Variants in DNER observed in about 807,000 individuals in gnomAD.
The protein encoded by DNER is delta/notch like EGF repeat containing, also known as delta and Notch-like epidermal growth factor-related receptor.
DNER carries 33 observed loss-of-function variants against 78.2 expected under a neutral mutation model. That is an observed-to-expected ratio of 0.42 (90% CI 0.32 to 0.56). DNER has a LOEUF of 0.56. Ranked by LOEUF, DNER falls within the 20% of genes least tolerant of loss-of-function variation. DNER has a pLI of 0.11. For missense variants in DNER, 918 were observed against 975.3 expected (o/e 0.94, Z 0.78); for synonymous variants, 417 against 384.8 (o/e 1.08, Z -0.98).
intron 9 of DNER, among the ~76,000 whole-genome samples, chr2:229,409,607 G>C (rs1417150153): frequency 2.0e-5 from 3 of 152,206 alleles, no homozygotes; most frequent in Non-Finnish European, 4.4e-5. Flanking sequence ...AATCTTTTGG[G>C]TGTTTGGGGT....
At chr2:229,459,266 G>A (rs564119885) in intron 7 of DNER, among the ~76,000 whole-genome samples, 1 of 152,172 alleles carries the variant, frequency 6.6e-6, no homozygotes, top group East Asian at 1.9e-4. Flanking sequence ...GATAAATTAT[G>A]TCAGCGCAAT....
intron 4 of DNER, among the ~76,000 whole-genome samples, chr2:229,549,109 A>C (rs756798604): frequency 2.6e-5 from 4 of 152,206 alleles, no homozygotes; most frequent in Non-Finnish European, 5.9e-5. Context: ...ATATGTATAC[A>C]TACAGTAAAA....
chr2:229,452,587 A>C (rs1284004258), intron 7 of DNER, among the ~76,000 whole-genome samples: 1 of 151,898 alleles, frequency 6.6e-6, no homozygotes, highest in African/African-American at 2.4e-5. Flanking sequence ...CGAAATCCAA[A>C]TTCCTGTTTG....
chr2:229,481,035 A>G (rs978849376), intron 6 of DNER, among the ~76,000 whole-genome samples: 1 of 152,146 alleles, frequency 6.6e-6, no homozygotes, highest in Non-Finnish European at 1.5e-5. Context: ...AGGACCACTG[A>G]GCATTCTCAG....
intron 5 of DNER, among the ~76,000 whole-genome samples, chr2:229,544,086 AT>A (rs1481780030): frequency 1.3e-5 from 2 of 152,082 alleles, no homozygotes; most frequent in African/African-American, 2.4e-5. Context: ...AAGAAAAAAA[AT>A]ATGTTCTCCT....
intron 1 of DNER, among the ~76,000 whole-genome samples, chr2:229,668,534 GTGTATATATATA>G (rs1443760838): frequency 1.0e-3 from 5 of 4,964 alleles, no homozygotes; most frequent in South Asian, 0.01. Context: ...GTGTGTGTGT[GTGTATATATATA>G]TATATATATA....
At chr2:229,475,891 CAG>C (rs748997226) in intron 7 of DNER, among the ~76,000 whole-genome samples, 1 of 152,182 alleles carries the variant, frequency 6.6e-6, no homozygotes, top group East Asian at 1.9e-4. Context: ...GGCCTTCAAT[CAG>C]AGTTAGGTGG....
chr2:229,466,996 A>G (rs1244476068), intron 7 of DNER, among the ~76,000 whole-genome samples: 2 of 152,192 alleles, frequency 1.3e-5, no homozygotes, highest in Non-Finnish European at 2.9e-5. Context: ...CATCAGGGAA[A>G]AAAAATCACG....
chr2:229,401,353 G>A (rs966341727), intron 10 of DNER, among the ~76,000 whole-genome samples: 1 of 152,014 alleles, frequency 6.6e-6, no homozygotes, highest in Non-Finnish European at 1.5e-5. Context: ...GAAAATTTAT[G>A]TTCACACATA....
chr2:229,587,015 T>C, intron 3 of DNER: 1 of 984,958 alleles, frequency 1.0e-6, no homozygotes, highest in Non-Finnish European at 1.2e-6. Flanking sequence ...TGAGTCAGAC[T>C]CTGCTAATTC....
intron 8 of DNER, among the ~76,000 whole-genome samples, chr2:229,424,451 G>A (rs1693831985): frequency 6.6e-6 from 1 of 152,112 alleles, no homozygotes; most frequent in African/African-American, 2.4e-5. Flanking sequence ...TATAGCACTG[G>A]TTGAATTAAA....
intron 7 of DNER, among the ~76,000 whole-genome samples, chr2:229,458,271 G>C (rs557062721): frequency 6.6e-5 from 10 of 151,038 alleles, no homozygotes; most frequent in Non-Finnish European, 1.5e-5. Context: ...AACATTATCT[G>C]ACATAAAAAG....
At chr2:229,428,507 AT>A (rs1434167758) in intron 8 of DNER, among the ~76,000 whole-genome samples, 1 of 152,086 alleles carries the variant, frequency 6.6e-6, no homozygotes, top group Non-Finnish European at 1.5e-5. Flanking sequence ...GTCCCCTTCT[AT>A]GGGCCAATTT....
chr2:229,436,369 A>T (rs1427092503), intron 8 of DNER, among the ~76,000 whole-genome samples: 2 of 152,190 alleles, frequency 1.3e-5, no homozygotes, highest in Non-Finnish European at 2.9e-5. Flanking sequence ...ATTTAGGTTG[A>T]TTCCGTGTCT....
chr2:229,655,590 G>T (rs74001407), intron 1 of DNER, among the ~76,000 whole-genome samples: 45 of 152,206 alleles, frequency 3.0e-4, no homozygotes, highest in African/African-American at 1.1e-3. Context: ...GGTTGAATTT[G>T]GAATACATAA....
intron 1 of DNER, among the ~76,000 whole-genome samples, chr2:229,663,989 A>G (rs2154216646): frequency 6.6e-6 from 1 of 152,298 alleles, no homozygotes; most frequent in Non-Finnish European, 1.5e-5. Context: ...ATTCAGGATG[A>G]ATCTGACATT....
chr2:229,682,139 A>G (rs1699398038), intron 1 of DNER, among the ~76,000 whole-genome samples: 1 of 152,196 alleles, frequency 6.6e-6, no homozygotes, highest in African/African-American at 2.4e-5. Context: ...GCTGCACTCC[A>G]TTTAGAAGCA....
rs540810055 is a variant in DNER at position 229,476,236 on chromosome 2, C to T, written c.1261+904G>A. Among the ~76,000 whole-genome samples the T allele has an allele frequency of 8.5e-5, 13 of 152,208 alleles. No homozygotes were observed. In the East Asian group the frequency reaches 1.2e-3, roughly 14 times the overall value. ...CTTCTTTAGTTGATGTTCACTTCTC[C>T]GAAATATTCGATTATGAGGTACTGC... On this transcript the variant is annotated intron_variant, in intron 7 of 12. Transcript: ENST00000341772.
At chr2:229,689,142 T>C (rs1487956072) in intron 1 of DNER, among the ~76,000 whole-genome samples, 1 of 149,814 alleles carries the variant, frequency 6.7e-6, no homozygotes, top group African/African-American at 2.5e-5. Flanking sequence ...CCCCAGAACT[T>C]AAAATTAAAA....
Sources: allele counts gnomAD v4.1 joint callset (sites outside exome capture counted in the v4.1 genomes callset), GRCh38; gene constraint gnomAD v4.1.1; transcripts MANE v1.5; gene names NCBI Gene and HGNC (gene_info 2026-07-23, HGNC 2026-07-21).